The following SLC26A7 variants were observed in gnomAD, a reference collection of about 807,000 sequenced individuals.
SLC26A7 encodes the protein solute carrier family 26 member 7.
A neutral mutation model predicts 82.5 loss-of-function variants in SLC26A7; 59 were observed. That is an observed-to-expected ratio of 0.72 (90% confidence interval 0.58 to 0.89). SLC26A7 has a LOEUF of 0.89. SLC26A7 is among the 40% of genes least tolerant of loss of function. The pLI is 0.00. For missense variants in SLC26A7, 820 were observed against 793.0 expected, an observed-to-expected ratio of 1.03 and a Z score of -0.41; for synonymous variants, 271 against 274.3, an observed-to-expected ratio of 0.99 and a Z score of 0.12.
chr8:91,384,036 G>T (rs754267438), intron 15 of SLC26A7, among the ~76,000 whole-genome samples: 36 of 152,120 alleles, frequency 2.4e-4, no homozygotes, highest in Non-Finnish European at 4.7e-4. Flanking sequence ...AACAATGCAG[G>T]TATATTAGTT....
intron 9 of SLC26A7, among the ~76,000 whole-genome samples, chr8:91,347,109 G>A (rs77942316): frequency 0.03 from 4,494 of 152,296 alleles, 66 homozygotes; most frequent in African/African-American, 0.039. Flanking sequence ...CTGGCATGTG[G>A]TAGGTGTTAG....
At chr8:91,315,888 C>T (rs1812616590) in intron 4 of SLC26A7, among the ~76,000 whole-genome samples, 1 of 152,136 alleles carries the variant, frequency 6.6e-6, no homozygotes, top group African/African-American at 2.4e-5. Flanking sequence ...TATTATTTCA[C>T]ACTCACCTTA....
intron 4 of SLC26A7, among the ~76,000 whole-genome samples, chr8:91,310,462 G>A (rs1312471032): frequency 6.6e-6 from 1 of 152,082 alleles, no homozygotes; most frequent in Non-Finnish European, 1.5e-5. Context: ...TTGGCAGGAT[G>A]GTATCCCTCA....
chr8:91,238,771 A>G (rs1392263313), intron 2 of SLC26A7, among the ~76,000 whole-genome samples: 1 of 151,996 alleles, frequency 6.6e-6, no homozygotes, highest in Non-Finnish European at 1.5e-5. Flanking sequence ...ATGTCAAAAA[A>G]TTCTGATCAT....
intron 4 of SLC26A7, among the ~76,000 whole-genome samples, chr8:91,299,612 A>G (rs757389847): frequency 7.9e-5 from 12 of 152,084 alleles, no homozygotes; most frequent in Non-Finnish European, 1.8e-4. Flanking sequence ...ACTTATATCA[A>G]TTTTGGGACT....
At chr8:91,213,395 G>A (rs1051960796) in intron 1 of SLC26A7, among the ~76,000 whole-genome samples, 3 of 152,114 alleles carry the variant, frequency 2.0e-5, no homozygotes, top group Non-Finnish European at 4.4e-5. Context: ...CCAATGTATG[G>A]TTACCCTTGC....
chr8:91,244,971 A>G (rs1487920765), upstream of SLC26A7, among the ~76,000 whole-genome samples: 2 of 152,214 alleles, frequency 1.3e-5, no homozygotes, highest in East Asian at 1.9e-4. Flanking sequence ...AAAGTAAGAC[A>G]TGTTGGCAAT....
chr8:91,238,975 G>T (rs1563638933), intron 2 of SLC26A7, among the ~76,000 whole-genome samples: 1 of 152,108 alleles, frequency 6.6e-6, no homozygotes, highest in Non-Finnish European at 1.5e-5. Context: ...AGTACTATGT[G>T]CTACTAAGCA....
intron 2 of SLC26A7, among the ~76,000 whole-genome samples, chr8:91,255,595 T>A (rs1317546276): frequency 6.6e-6 from 1 of 152,136 alleles, no homozygotes; most frequent in Non-Finnish European, 1.5e-5. Flanking sequence ...TATATTTTCC[T>A]TACCCCATGA....
chr8:91,343,151 A>G (rs1813465230), intron 8 of SLC26A7: 1 of 522,978 alleles, frequency 1.9e-6, no homozygotes, highest in Non-Finnish European at 3.4e-6. Context: ...GGATTAAATG[A>G]GTAAAGTGCT....
rs1428076007 is a variant in SLC26A7 at position 91,396,714 on chromosome 8, C to T, written c.*1617C>T. On this transcript the variant is annotated 3_prime_UTR_variant, in exon 19 of 19. Transcript: ENST00000276609. ...AAATGAGTGAGGCCAACTCACATTC[C>T]CATCAAACACTCTTCCAAGGAAAAG... 1 of 151,822 alleles carries T rather than the reference C, an allele frequency of 6.6e-6. No homozygotes were observed. Among genetic ancestry groups the T allele is most frequent in the Non-Finnish European group, 1.5e-5 (1 of 67,866 alleles). The allele number at this position is 151,822 out of a possible 1,614,324, so 9.4% of individuals were successfully genotyped here.
chr8:91,394,477 C>T (rs1808511849), intron 18 of SLC26A7: 8 of 1,360,922 alleles, frequency 5.9e-6, no homozygotes, highest in Non-Finnish European at 7.5e-6. Flanking sequence ...GAATCTAGTG[C>T]TCACATGATC....
chr8:91,335,234 A>T (rs1241995591), intron 6 of SLC26A7, among the ~76,000 whole-genome samples: 2 of 152,134 alleles, frequency 1.3e-5, no homozygotes, highest in African/African-American at 4.8e-5. Context: ...TGTTGAAATT[A>T]TGTAGGTTTA....
At chr8:91,386,482 A>G (rs17364820) in intron 15 of SLC26A7, among the ~76,000 whole-genome samples, 7,709 of 152,264 alleles carry the variant, frequency 0.051, 272 homozygotes, top group African/African-American at 0.1. Flanking sequence ...ATAAAAAAGG[A>G]CAAAATTTGA....
rs1392008163 is a variant in SLC26A7 at position 91,395,856 on chromosome 8, A to G, written c.*759A>G. 1 of 152,064 alleles carries G rather than the reference A, an allele frequency of 6.6e-6. No individual in the cohort carries two copies. The highest frequency in any genetic ancestry group is 1.5e-5 in the Non-Finnish European group (1 of 67,924). 9.4% of individuals were successfully genotyped at this position (152,064 alleles called of 1,614,324 possible). On this transcript the variant is annotated 3_prime_UTR_variant, in exon 19 of 19. Transcript: ENST00000276609. ...TACCCAATAAGAGGCTCTGTTTTCCACTGAAGCTTTGTTGGAGAAAGAGAA... is the reference window on the plus strand; with the variant it reads ...TACCCAATAAGAGGCTCTGTTTTCCGCTGAAGCTTTGTTGGAGAAAGAGAA...
Position 91,378,508 on chromosome 8 carries a change from T to A in SLC26A7, c.1675+8675T>A, listed in dbSNP as rs1814582038. 2.7e-5 allele frequency among the ~76,000 whole-genome samples: 4 copies of A among 149,590 alleles called. No individual in the cohort carries two copies. The South Asian group carries it at 8.4e-4, about 31-fold the overall frequency. On this transcript the variant is annotated intron_variant, in intron 15 of 18. Coordinates refer to ENST00000276609, the MANE Select transcript of SLC26A7 (RefSeq NM_052832.4). Reference sequence around the variant, plus strand: ...AATTGATATATTTATTAGGTATATATATGTTGTAATAAATGTGAGAATGAT... The same window carrying A: ...AATTGATATATTTATTAGGTATATAAATGTTGTAATAAATGTGAGAATGAT...
chr8:91,222,727 T>A (rs890584223), intron 2 of SLC26A7, among the ~76,000 whole-genome samples: 18 of 152,146 alleles, frequency 1.2e-4, no homozygotes, highest in African/African-American at 4.3e-4. Flanking sequence ...GGTGGATAAA[T>A]TTTTTGATGT....
intron 5 of SLC26A7, among the ~76,000 whole-genome samples, chr8:91,331,879 A>G (rs1329723460): frequency 2.0e-5 from 3 of 151,984 alleles, no homozygotes; most frequent in Non-Finnish European, 4.4e-5. Flanking sequence ...TATAGTTTGA[A>G]TTTACATCTC....
intron 4 of SLC26A7, among the ~76,000 whole-genome samples, chr8:91,313,515 A>G (rs35632298): frequency 0.055 from 8,345 of 152,122 alleles, 274 homozygotes; most frequent in African/African-American, 0.069. Flanking sequence ...GTTATTAGCA[A>G]TTTAACTCTT....
Sources: allele counts gnomAD v4.1 joint callset (sites outside exome capture counted in the v4.1 genomes callset), GRCh38; gene constraint gnomAD v4.1.1; transcripts MANE v1.5; gene names NCBI Gene and HGNC (gene_info 2026-07-23, HGNC 2026-07-21).